Variants in PGR observed in about 807,000 individuals in gnomAD.
PGR encodes nuclear receptor subfamily 3 group C member 3.
In PGR, 25 loss-of-function variants were observed where a neutral mutation model predicts 76.1. The observed-to-expected ratio is 0.33, with a 90% CI of 0.24 to 0.46. The LOEUF is 0.46. Among genes scored for constraint, PGR ranks in the 20% least tolerant of loss-of-function variants. The pLI is 1.00. For synonymous variants in PGR, 579 were observed against 535.0 expected (o/e 1.08, Z -1.14); for missense variants, 1,172 against 1,225.3 (o/e 0.96, Z 0.65).
rs1344077643 is a variant in PGR, at chr11:101,032,915, A to C, written c.*6201T>G. ...TTCACAGCTAGTTGCTGAGGAATAA[A>C]ATGATGCCTAAAGTAAGACTTTTCA... On this transcript the variant is annotated 3_prime_UTR_variant, in exon 8 of 8. Transcript: ENST00000325455. The C allele has an allele frequency of 3.2e-5, 6 of 186,096 alleles. No individual in the cohort carries two copies. Among genetic ancestry groups the C allele is most frequent in the Non-Finnish European group, 6.8e-5 (6 of 88,040 alleles). 11.5% of individuals were successfully genotyped at this position (186,096 alleles called of 1,614,324 possible). A position where few individuals can be genotyped will look rare whatever the true frequency, so the allele number is the denominator to read the frequency against.
chr11:101,068,850 C>T (rs1367247640), intron 3 of PGR, among the ~76,000 whole-genome samples: 1 of 152,100 alleles, frequency 6.6e-6, no homozygotes, highest in Non-Finnish European at 1.5e-5. Context: ...TTCCCTACAC[C>T]TAATACAAAA....
chr11:101,123,271 A>G lies in PGR; in HGVS notation c.1789+2736T>C, dbSNP rs529713662. 3.9e-5 allele frequency among the ~76,000 whole-genome samples: 6 copies of G among 152,260 alleles called. No individual in the cohort carries two copies. In the East Asian group the frequency reaches 1.2e-3, roughly 29 times the overall value. ...AGAGAAAGCATTTTATAATGCCATCATTTTCATTCTCATCCTTGGCAACAT... is the reference window on the plus strand; with the variant it reads ...AGAGAAAGCATTTTATAATGCCATCGTTTTCATTCTCATCCTTGGCAACAT... On this transcript the variant is annotated intron_variant, in intron 2 of 7. Coordinates refer to ENST00000325455, the MANE Select transcript of PGR (RefSeq NM_000926.4).
intron 2 of PGR, among the ~76,000 whole-genome samples, chr11:101,092,126 A>T (rs7112977): frequency 0.02 from 3,000 of 152,308 alleles, 77 homozygotes; most frequent in African/African-American, 0.056. Context: ...AATCTTTTGC[A>T]AGAGATTTCT....
chr11:101,070,891 G>A (rs986696693), intron 3 of PGR, among the ~76,000 whole-genome samples: 43 of 152,306 alleles, frequency 2.8e-4, no homozygotes, highest in African/African-American at 8.9e-4. Flanking sequence ...GGCTGTGGGC[G>A]CAGCTTCAGC....
chr11:101,044,862 A>G (rs914568957), intron 6 of PGR, among the ~76,000 whole-genome samples: 1 of 151,908 alleles, frequency 6.6e-6, no homozygotes, highest in Non-Finnish European at 1.5e-5. Flanking sequence ...GTGTGCCATC[A>G]TGTCCGACTA....
intron 3 of PGR, among the ~76,000 whole-genome samples, chr11:101,088,715 T>C (rs1393138716): frequency 6.6e-6 from 1 of 152,190 alleles, no homozygotes; most frequent in Non-Finnish European, 1.5e-5. Flanking sequence ...ATTGTTCTAC[T>C]AGAAAGACAC....
chr11:101,068,055 T>A (rs1249317158), intron 3 of PGR, among the ~76,000 whole-genome samples: 2 of 152,190 alleles, frequency 1.3e-5, no homozygotes, highest in Non-Finnish European at 2.9e-5. Context: ...AGTGATAATA[T>A]TCATATTTTC....
chr11:101,086,658 A>G (rs1021440585), intron 3 of PGR, among the ~76,000 whole-genome samples: 2 of 152,200 alleles, frequency 1.3e-5, no homozygotes, highest in Non-Finnish European at 2.9e-5. Flanking sequence ...TCTCTTGCAT[A>G]TTACATGATT....
chr11:101,032,665 CT>C lies in PGR; in HGVS notation c.*6450del, dbSNP rs368135251. 1 of 217,528 alleles carries C rather than the reference CT, an allele frequency of 4.6e-6. No homozygotes were observed. Among genetic ancestry groups the C allele is most frequent in the Non-Finnish European group, 9.3e-6 (1 of 108,094 alleles). The allele number at this position is 217,528 out of a possible 1,614,324, so 13.5% of individuals were successfully genotyped here. On this transcript the variant is annotated 3_prime_UTR_variant, in exon 8 of 8. Transcript: ENST00000325455. ...CTTATAGATTGTGGCTTAGCTTTGA[CT>C]TTTTTCAGGATGCCTCTGCTAACCC...
chr11:101,107,295 G>T (rs531149016), intron 2 of PGR, among the ~76,000 whole-genome samples: 4 of 152,192 alleles, frequency 2.6e-5, no homozygotes, highest in Non-Finnish European at 5.9e-5. Context: ...TAAATTGAAT[G>T]AATCAGCTTT....
At chr11:101,057,251 G>A (rs889714087) in intron 4 of PGR, among the ~76,000 whole-genome samples, 1 of 152,138 alleles carries the variant, frequency 6.6e-6, no homozygotes, top group South Asian at 2.1e-4. Context: ...AATCCTGAAA[G>A]ATAGTTACAG....
rs920211739 is a variant in PGR, at chr11:101,034,177, G to C, written c.*4939C>G. 1 of 225,742 alleles carries C rather than the reference G, an allele frequency of 4.4e-6. No homozygotes were observed. Among genetic ancestry groups the C allele is most frequent in the Non-Finnish European group, 8.8e-6 (1 of 113,352 alleles). The allele number at this position is 225,742 out of a possible 1,614,324, so 14.0% of individuals were successfully genotyped here. ...TGCCTCTCCCATGTCTCCATGAGTGGAAAAAAAGCAAACAAACCTGTGTTT... is the reference window on the plus strand; with the variant it reads ...TGCCTCTCCCATGTCTCCATGAGTGCAAAAAAAGCAAACAAACCTGTGTTT... On this transcript the variant is annotated 3_prime_UTR_variant, in exon 8 of 8. Coordinates refer to ENST00000325455, the MANE Select transcript of PGR (RefSeq NM_000926.4).
At position 101,035,290 on chromosome 11, in the gene PGR, G is replaced by C. The variant is rs1859471042; in HGVS notation, c.*3826C>G. 1 of 228,534 alleles carries C rather than the reference G, an allele frequency of 4.4e-6. No individual in the cohort carries two copies. The highest frequency in any genetic ancestry group is 1.8e-4 in the South Asian group (1 of 5,488). The allele number at this position is 228,534 out of a possible 1,614,324, so 14.2% of individuals were successfully genotyped here. Reference sequence around the variant, plus strand: ...AATGCTTCTTATGCACATGGCTCTGGAGTTGTAAAAGTTTTTAAAATGATT... The same window carrying C: ...AATGCTTCTTATGCACATGGCTCTGCAGTTGTAAAAGTTTTTAAAATGATT... On this transcript the variant is annotated 3_prime_UTR_variant, in exon 8 of 8. Transcript: ENST00000325455.
Position 101,128,769 on chromosome 11 carries a change from G to T in PGR, c.302C>A (p.Ser101Tyr), listed in dbSNP as rs573557192. ...EATRGAGGSS[S>Y]SPPEKDSGLL... ...TCCGCTGTCCTTTTCTGGGGGACTAGAACTGCTGCCTCCAGCACCCCTTGT... is the reference window on the plus strand; with the variant it reads ...TCCGCTGTCCTTTTCTGGGGGACTATAACTGCTGCCTCCAGCACCCCTTGT... The change falls in exon 1 of 8, where the codon TCT (serine) becomes TAT (tyrosine). Residue 101 changes from serine (S) to tyrosine (Y), a missense_variant. Transcript: ENST00000325455. The T allele has an allele frequency of 5.2e-5, 84 of 1,613,956 alleles. 1 individual carries two copies. The South Asian group carries it at 8.5e-4, about 16-fold the overall frequency.
intron 1 of PGR, 134 bp from the exon 2 acceptor site, chr11:101,126,292 A>G (rs1203507960): frequency 4.1e-5 from 33 of 806,896 alleles, no homozygotes; most frequent in Non-Finnish European, 6.8e-5. Context: ...CTTGAAAGAC[A>G]TGCAAACTAA....
chr11:101,108,249 A>T (rs976028717), intron 2 of PGR, among the ~76,000 whole-genome samples: 2 of 62,004 alleles, frequency 3.2e-5, no homozygotes, highest in African/African-American at 1.3e-4. Context: ...GACTCCGTCT[A>T]AAAAAAAAAA....
chr11:101,066,319 C>G (rs1271462672), intron 3 of PGR, among the ~76,000 whole-genome samples: 1 of 152,174 alleles, frequency 6.6e-6, no homozygotes, highest in Non-Finnish European at 1.5e-5. Context: ...TCGTTTCCTT[C>G]TTCTTTTAAC....
intron 2 of PGR, among the ~76,000 whole-genome samples, chr11:101,110,953 A>G (rs1862324147): frequency 6.6e-6 from 1 of 152,218 alleles, no homozygotes; most frequent in African/African-American, 2.4e-5. Context: ...AATTTTAGCA[A>G]TAAAGTATTT....
At chr11:101,042,796 G>A (rs1214029703) in intron 6 of PGR, among the ~76,000 whole-genome samples, 7 of 152,206 alleles carry the variant, frequency 4.6e-5, no homozygotes, top group South Asian at 2.1e-4. Flanking sequence ...CCCAGTCCAC[G>A]TAGAAGTTAT....
Sources: gnomAD v4.1 joint callset for allele counts (sites outside exome capture counted in the v4.1 genomes callset) on GRCh38, gnomAD v4.1.1 for gene constraint, MANE v1.5 for transcripts, NCBI Gene and HGNC (gene_info 2026-07-23, HGNC 2026-07-21) for gene names.